Variants in PRKCA observed in about 807,000 individuals in gnomAD.
The protein encoded by PRKCA is protein kinase C alpha.
A neutral mutation model predicts 87.0 loss-of-function variants in PRKCA; 27 were observed. That is an observed-to-expected ratio of 0.31 (90% CI 0.23 to 0.43). PRKCA has a LOEUF of 0.43. Among genes scored for constraint, PRKCA ranks in the 20% least tolerant of loss-of-function variants. PRKCA has a pLI of 1.00. For missense variants in PRKCA, 518 were observed against 852.3 expected, an observed-to-expected ratio of 0.61 and a Z score of 4.88; for synonymous variants, 329 against 311.1, an observed-to-expected ratio of 1.06 and a Z score of -0.61.
At chr17:66,747,331 A>T (rs4556825) in intron 13 of PRKCA, among the ~76,000 whole-genome samples, 3 of 152,112 alleles carry the variant, frequency 2.0e-5, no homozygotes, top group Middle Eastern at 6.8e-3. Flanking sequence ...TTGGCCTCCC[A>T]AAGCACTAGA....
chr17:66,409,378 G>A (rs181449255), intron 2 of PRKCA, among the ~76,000 whole-genome samples: 179 of 152,248 alleles, frequency 1.2e-3, no homozygotes, highest in Non-Finnish European at 1.9e-3. Context: ...TTGGACTCCT[G>A]TGGACCATGT....
At chr17:66,370,228 CTTT>C (rs35851942) in intron 2 of PRKCA, among the ~76,000 whole-genome samples, 11 of 112,246 alleles carry the variant, frequency 9.8e-5, no homozygotes, top group East Asian at 2.5e-4. Flanking sequence ...TATTTTGATA[CTTT>C]TTTTTTTTTT....
intron 3 of PRKCA, among the ~76,000 whole-genome samples, chr17:66,610,561 A>T (rs1279397768): frequency 6.6e-6 from 1 of 152,202 alleles, no homozygotes; most frequent in Non-Finnish European, 1.5e-5. Flanking sequence ...GGAAATTCCA[A>T]GGGATTAGCT....
chr17:66,732,576 C>A, intron 8 of PRKCA, 112 bp from the exon 9 acceptor site: 2 of 1,323,780 alleles, frequency 1.5e-6, no homozygotes, highest in Non-Finnish European at 2.2e-6. Context: ...TTCCTTTTCT[C>A]ACCCCATCCC....
Position 66,396,631 on chromosome 17 carries a change from C to CTTTTT in PRKCA, c.205+90514_205+90518dup, listed in dbSNP as rs10626483. Among the ~76,000 whole-genome samples, 15 of 137,242 alleles carry CTTTTT rather than the reference C, an allele frequency of 1.1e-4. 1 individual carries two copies. The South Asian group carries it at 2.4e-3, about 22-fold the overall frequency. The allele number at this position is 137,242 out of a possible 152,430, so 90.0% of individuals were successfully genotyped here. On this transcript the variant is annotated intron_variant, in intron 2 of 16. Transcript: ENST00000413366. ...GAATGTTCTGTCATTCATTCTCTCT[C>CTTTTT]TTTTTTTTTTTTTTCGTGACAGAGT...
chr17:66,494,758 A>G (rs1421708384), intron 2 of PRKCA, among the ~76,000 whole-genome samples: 2 of 152,176 alleles, frequency 1.3e-5, no homozygotes, highest in African/African-American at 4.8e-5. Context: ...TTTCAAGGAG[A>G]GACTAGGTCA....
At chr17:66,353,340 A>G (rs1020672143) in intron 2 of PRKCA, among the ~76,000 whole-genome samples, 2 of 152,126 alleles carry the variant, frequency 1.3e-5, no homozygotes, top group Non-Finnish European at 2.9e-5. Context: ...GAATTTTATG[A>G]TAGGTATCCT....
intron 3 of PRKCA, among the ~76,000 whole-genome samples, chr17:66,584,799 A>C (rs1338960385): frequency 1.3e-5 from 2 of 152,100 alleles, no homozygotes; most frequent in Non-Finnish European, 1.5e-5. Flanking sequence ...CTTGAGGCCT[A>C]CCCTAAATCC....
chr17:66,332,134 T>A (rs1906363790), intron 2 of PRKCA, among the ~76,000 whole-genome samples: 1 of 152,022 alleles, frequency 6.6e-6, no homozygotes, highest in African/African-American at 2.4e-5. Context: ...CCTCTTGGAA[T>A]AGACCATGGG....
At chr17:66,749,583 G>T (rs527496397) in intron 13 of PRKCA, among the ~76,000 whole-genome samples, 4 of 152,160 alleles carry the variant, frequency 2.6e-5, no homozygotes, top group African/African-American at 4.8e-5. Flanking sequence ...TGATTTTTCA[G>T]TCTATCTCAC....
At chr17:66,371,438 T>C (rs1003996912) in intron 2 of PRKCA, among the ~76,000 whole-genome samples, 1 of 152,326 alleles carries the variant, frequency 6.6e-6, no homozygotes, top group Admixed American at 6.5e-5. Flanking sequence ...GGGGTGAGAT[T>C]TGAACCTGAG....
At chr17:66,499,077 G>T (rs1471811000) in intron 3 of PRKCA, among the ~76,000 whole-genome samples, 1 of 152,180 alleles carries the variant, frequency 6.6e-6, no homozygotes, top group Non-Finnish European at 1.5e-5. Context: ...CTGACGCTGG[G>T]AGTCAGTTGA....
At chr17:66,649,137 G>A (rs770725210) in intron 5 of PRKCA, among the ~76,000 whole-genome samples, 6 of 150,896 alleles carry the variant, frequency 4.0e-5, no homozygotes, top group South Asian at 2.1e-4. Context: ...ATAGGTACCC[G>A]CATTAGTTAC....
chr17:66,325,458 T>G (rs916070925), intron 2 of PRKCA, among the ~76,000 whole-genome samples: 1 of 152,048 alleles, frequency 6.6e-6, no homozygotes, highest in African/African-American at 2.4e-5. Flanking sequence ...CCGCCCCACT[T>G]TAAAAAAAAA....
At position 66,689,035 on chromosome 17, in the gene PRKCA, G is replaced by A; in HGVS notation, c.906G>A (p.Arg302=). Residue 302 remains arginine, a synonymous_variant, in exon 8 of 17, where the codon AGG becomes AGA. Coordinates refer to ENST00000413366, the MANE Select transcript of PRKCA (RefSeq NM_002737.3). This position sits in a 1 kb window ranked among gnomAD's most constrained non-coding sequence, Gnocchi z 4.1. ...EGDEEGNMEL[R]QKFEKAKLGP... is the part of the protein sequence containing the mutation. Reference sequence around the variant, plus strand: ...ACGAGGAAGGAAACATGGAACTCAGGCAGAAATTCGAGGTGAGGATAACAA... The same window carrying A: ...ACGAGGAAGGAAACATGGAACTCAGACAGAAATTCGAGGTGAGGATAACAA... 6.3e-7 allele frequency: 1 copy of A among 1,594,040 alleles called. No homozygotes were observed. Among genetic ancestry groups the A allele is most frequent in the Non-Finnish European group, 8.5e-7 (1 of 1,169,874 alleles).
Position 66,453,561 on chromosome 17 carries a change from G to A in PRKCA, c.206-42640G>A, listed in dbSNP as rs534778247. Among the ~76,000 whole-genome samples, 9 of 152,018 alleles carry A rather than the reference G, an allele frequency of 5.9e-5. No individual in the cohort carries two copies. In the East Asian group the frequency reaches 1.2e-3, roughly 20 times the overall value. ...TCGAACTCCTGACCTCAGGTGATCC[G>A]CCCACCTCAGCCTCCCAAAGTGCTG... On this transcript the variant is annotated intron_variant, in intron 2 of 16. Transcript: ENST00000413366.
chr17:66,603,713 C>G (rs1053259885), intron 3 of PRKCA, among the ~76,000 whole-genome samples: 4 of 152,292 alleles, frequency 2.6e-5, no homozygotes, highest in African/African-American at 7.2e-5. Flanking sequence ...ATCTCCAGAG[C>G]TTCCTTGTCC....
chr17:66,315,731 C>G (rs942175484), intron 2 of PRKCA, among the ~76,000 whole-genome samples: 2 of 152,102 alleles, frequency 1.3e-5, no homozygotes, highest in Non-Finnish European at 2.9e-5. Context: ...CCGCCTGCCT[C>G]GGCCTCCCAA....
At chr17:66,418,584 A>G (rs1040559915) in intron 2 of PRKCA, among the ~76,000 whole-genome samples, 13 of 150,158 alleles carry the variant, frequency 8.7e-5, no homozygotes, top group Non-Finnish European at 1.9e-4. Context: ...TTACAGGTGC[A>G]TGTCACCACG....
Sources: gnomAD v4.1 joint callset for allele counts (sites outside exome capture counted in the v4.1 genomes callset) on GRCh38, gnomAD v4.1.1 for gene constraint, Gnocchi (gnomAD v3.1) non-coding constraint, MANE v1.5 for transcripts, NCBI Gene and HGNC (gene_info 2026-07-23, HGNC 2026-07-21) for gene names.